GATAD2A: variants seen among roughly 807,000 people sequenced by gnomAD.
The protein encoded by GATAD2A is transcriptional repressor p66-alpha.
GATAD2A carries 12 observed loss-of-function variants against 68.5 expected under a neutral mutation model. The observed-to-expected ratio is 0.18, with a 90% CI of 0.11 to 0.28. GATAD2A has a LOEUF of 0.28. Among genes scored for constraint, GATAD2A ranks in the 10% least tolerant of loss-of-function variants. The pLI is 1.00. For missense variants in GATAD2A, 755 were observed against 868.5 expected (o/e 0.87, Z 1.64); for synonymous variants, 410 against 375.3 (o/e 1.09, Z -1.07).
At position 19,460,840 on chromosome 19, in the gene GATAD2A, C is replaced by T. The variant is rs78407255; in HGVS notation, c.-6-4500C>T. Among the ~76,000 whole-genome samples, 178 of 152,310 alleles carry T rather than the reference C, an allele frequency of 1.2e-3. 1 individual carries two copies. Among genetic ancestry groups the T allele is most frequent in the African/African-American group, 4.0e-3 (168 of 41,560 alleles). On this transcript the variant is annotated intron_variant, in intron 1 of 11. Transcript: ENST00000683918. ...TGATCCTTTAGAGCAAGCCAGATTC[C>T]TCCCCTCCGGCCTGGGCCAGTGCTT...
chr19:19,452,548 G>C (rs756981277), intron 1 of GATAD2A, among the ~76,000 whole-genome samples: 2 of 152,062 alleles, frequency 1.3e-5, no homozygotes, highest in Non-Finnish European at 2.9e-5. Context: ...GGGAGCCCCA[G>C]TGTGAGCTGG....
intron 2 of GATAD2A, among the ~76,000 whole-genome samples, chr19:19,466,770 A>G (rs1184883810): frequency 6.6e-6 from 1 of 152,202 alleles, no homozygotes; most frequent in African/African-American, 2.4e-5. Context: ...TGCTGTCTGC[A>G]GTCCCCATTC....
At position 19,502,469 on chromosome 19, in the gene GATAD2A, G is replaced by A. The variant is rs372533863; in HGVS notation, c.1717G>A (p.Val573Met). Residue 573 changes from valine (V) to methionine (M), a missense_variant, in exon 11 of 12, where the codon GTG (valine) becomes ATG (methionine). Val to Met is a conservative substitution (Grantham distance 21). Coordinates refer to ENST00000683918, the MANE Select transcript of GATAD2A (RefSeq NM_001384528.1). ...GACCGGCAGACATTCTGAGAGAACC[G>A]TGAGCGCCGGCAAGGGCAGCGCCAC... Reference protein sequence around the residue: ...SRTGRHSERTVSAGKGSATSN... With the variant: ...SRTGRHSERTMSAGKGSATSN... 19 of 1,613,460 alleles carry A rather than the reference G, an allele frequency of 1.2e-5. No individual in the cohort carries two copies. The highest frequency in any genetic ancestry group is 3.3e-4 in the Middle Eastern group (2 of 6,082).
At position 19,405,971 on chromosome 19, in the gene GATAD2A, GC is replaced by G. The variant is rs1271002505; in HGVS notation, c.-50del. On this transcript the variant is annotated 5_prime_UTR_variant, in exon 1 of 12. The change creates a premature stop within an existing upstream ORF in the 5' untranslated region. Transcript: ENST00000683918. ...CCCCGCGGGCGACCCCGGACCAGCA[GC>G]CCCCGTAACCTGCGCGCTGCCCTAG... 2 of 150,058 alleles carry G rather than the reference GC, an allele frequency of 1.3e-5. No homozygotes were observed. Among genetic ancestry groups the G allele is most frequent in the Non-Finnish European group, 3.0e-5 (2 of 67,386 alleles). 9.3% of individuals were successfully genotyped at this position (150,058 alleles called of 1,614,324 possible).
At position 19,490,225 on chromosome 19, in the gene GATAD2A, G is replaced by A. The variant is rs138391040; in HGVS notation, c.270-2081G>A. ...ACCAGCGTTCAGGTACAGCCACCAC[G>A]TAGCTGTGGTGGGTGGAATTAGGAG... On this transcript the variant is annotated intron_variant, in intron 2 of 11. Coordinates refer to ENST00000683918, the MANE Select transcript of GATAD2A (RefSeq NM_001384528.1). Among the ~76,000 whole-genome samples the A allele has an allele frequency of 4.4e-3, 676 of 152,292 alleles. 7 individuals are homozygous for A. Among genetic ancestry groups the A allele is most frequent in the South Asian group, 0.014 (67 of 4,826 alleles).
chr19:19,482,936 G>A (rs1284759350), intron 2 of GATAD2A, among the ~76,000 whole-genome samples: 2 of 152,116 alleles, frequency 1.3e-5, no homozygotes, highest in Non-Finnish European at 2.9e-5. Context: ...AGGTCTCCTA[G>A]GCTTGTCTCT....
chr19:19,430,534 T>C (rs1479774250), intron 1 of GATAD2A, among the ~76,000 whole-genome samples: 1 of 152,178 alleles, frequency 6.6e-6, no homozygotes, highest in Admixed American at 6.5e-5. Flanking sequence ...AGCCAAGCTG[T>C]GTTTGGATGC....
At chr19:19,464,931 GATTCCAGACATTGCAGGT>G (rs2057749460) in intron 1 of GATAD2A, 1 of 282,422 alleles carries the variant, frequency 3.5e-6, no homozygotes. Context: ...CGCCCTCCTG[GATTCCAGACATTGCAGGT>G]GCTGAAAATC....
intron 1 of GATAD2A, among the ~76,000 whole-genome samples, chr19:19,409,614 G>A (rs569365808): frequency 2.8e-4 from 42 of 152,270 alleles, no homozygotes; most frequent in African/African-American, 9.6e-4. Context: ...TGCTAACTGT[G>A]CAAAGGTATG....
At position 19,444,361 on chromosome 19, in the gene GATAD2A, A is replaced by G. The variant is rs2055448503; in HGVS notation, c.-6-20979A>G. Among the ~76,000 whole-genome samples the G allele has an allele frequency of 3.3e-5, 5 of 152,042 alleles. No homozygotes were observed. In the South Asian group the frequency reaches 1.0e-3, roughly 32 times the overall value. ...GGACCCAGCGAACAGTGTGTGAGGG[A>G]CTTCAACCCTGCCTCTCTCCGGTAT... On this transcript the variant is annotated intron_variant, in intron 1 of 11. Transcript: ENST00000683918.
chr19:19,479,403 C>G (rs1034091232), intron 2 of GATAD2A, among the ~76,000 whole-genome samples: 1 of 152,272 alleles, frequency 6.6e-6, no homozygotes, highest in Admixed American at 6.5e-5. Context: ...TTATTTTAAC[C>G]GAGTTCATAC....
chr19:19,487,434 G>C (rs1052920956), intron 2 of GATAD2A, among the ~76,000 whole-genome samples: 2 of 152,174 alleles, frequency 1.3e-5, no homozygotes, highest in African/African-American at 2.4e-5. Context: ...ATCTTCATAG[G>C]GGGGTGGGGT....
At chr19:19,460,454 C>T (rs547952789) in intron 1 of GATAD2A, among the ~76,000 whole-genome samples, 1 of 152,320 alleles carries the variant, frequency 6.6e-6, no homozygotes, top group South Asian at 2.1e-4. Flanking sequence ...TCATCTGACT[C>T]AGCACTGGTT....
Position 19,505,401 on chromosome 19 carries a change from T to G in GATAD2A, c.1832T>G (p.Val611Gly), listed in dbSNP as rs2060823130. ...SLAVHKSSSA[V>G]DRQREYLLDM... ...GCGGTGCACAAGAGCTCCTCGGCCG[T>G]GGACCGCCAGCGAGAGTACCTCCTG... is the stretch of plus-strand genomic sequence containing the variant. The change falls in exon 12 of 12, where the codon GTG (valine) becomes GGG (glycine). Residue 611 changes from valine to glycine, a missense_variant. Physicochemically the swap from Val to Gly is moderately radical, Grantham distance 109 (BLOSUM62 -3). Transcript: ENST00000683918. 6.2e-7 allele frequency: 1 copy of G among 1,612,842 alleles called. No homozygotes were observed. Among genetic ancestry groups the G allele is most frequent in the South Asian group, 1.1e-5 (1 of 90,956 alleles).
chr19:19,431,069 C>T (rs1198802374), intron 1 of GATAD2A, among the ~76,000 whole-genome samples: 2 of 150,042 alleles, frequency 1.3e-5, no homozygotes, highest in South Asian at 2.1e-4. Context: ...ATCAAGGGAG[C>T]GGAAGAGTCT....
chr19:19,497,911 G>A (rs552062389), intron 7 of GATAD2A, among the ~76,000 whole-genome samples: 72 of 152,278 alleles, frequency 4.7e-4, no homozygotes, highest in African/African-American at 1.7e-3. Context: ...GGAGGGCAAG[G>A]GGAAGAGGTT....
intron 2 of GATAD2A, among the ~76,000 whole-genome samples, chr19:19,485,084 CCT>C (rs1297702665): frequency 3.3e-5 from 5 of 152,164 alleles, no homozygotes; most frequent in African/African-American, 1.2e-4. Context: ...GTCTGGGGGG[CCT>C]CTGTGCAGGC....
intron 11 of GATAD2A, among the ~76,000 whole-genome samples, chr19:19,504,934 G>T (rs570257624): frequency 6.6e-6 from 1 of 152,104 alleles, no homozygotes; most frequent in East Asian, 1.9e-4. Context: ...CTGAGCCTCC[G>T]TGCCCAGCTA....
At chr19:19,456,747 G>C (rs1368089999) in intron 1 of GATAD2A, among the ~76,000 whole-genome samples, 1 of 152,202 alleles carries the variant, frequency 6.6e-6, no homozygotes, top group Non-Finnish European at 1.5e-5. Context: ...CTCTTGGTGT[G>C]AGAGGGCAAG....
Sources: allele counts gnomAD v4.1 joint callset (sites outside exome capture counted in the v4.1 genomes callset), GRCh38; gene constraint gnomAD v4.1.1; transcripts MANE v1.5; gene names NCBI Gene and HGNC (gene_info 2026-07-23, HGNC 2026-07-21).